Variants in PDE11A observed in about 807,000 individuals in gnomAD.
The protein encoded by PDE11A is phosphodiesterase 11A.
PDE11A carries 100 observed loss-of-function variants against 100.5 expected under a neutral mutation model. The ratio of observed to expected loss-of-function variants is 1.00; its 90% CI spans 0.85 to 1.18. The LOEUF is 1.18. Ranked by LOEUF, PDE11A falls within the 50% of genes most tolerant of loss-of-function variation. The pLI is 0.00. For synonymous variants in PDE11A, 381 were observed against 420.8 expected (o/e 0.91, Z 1.16); for missense variants, 1,141 against 1,152.6 (o/e 0.99, Z 0.15).
At chr2:177,925,290 CT>C (rs1271380512) in intron 2 of PDE11A, among the ~76,000 whole-genome samples, 6 of 152,024 alleles carry the variant, frequency 3.9e-5, no homozygotes, top group African/African-American at 1.4e-4. Flanking sequence ...TTCTAGATCC[CT>C]GAGGAATCTC....
At chr2:178,000,382 T>C (rs1243417711) in intron 2 of PDE11A, among the ~76,000 whole-genome samples, 1 of 152,230 alleles carries the variant, frequency 6.6e-6, no homozygotes, top group East Asian at 1.9e-4. Context: ...AATTTTGCTA[T>C]ACATAGGAAA....
intron 2 of PDE11A, among the ~76,000 whole-genome samples, chr2:177,985,581 T>A (rs1268262327): frequency 6.6e-6 from 1 of 152,220 alleles, no homozygotes; most frequent in African/African-American, 2.4e-5. Flanking sequence ...TTAGAGAAAT[T>A]CATTAATTCT....
At chr2:177,787,307 G>A (rs1399256879) in intron 9 of PDE11A, among the ~76,000 whole-genome samples, 1 of 150,524 alleles carries the variant, frequency 6.6e-6, no homozygotes, top group Non-Finnish European at 1.5e-5. Context: ...AAGTGAAGGA[G>A]AAATAAAACA....
At chr2:177,749,970 T>C (rs571186532) in intron 10 of PDE11A, among the ~76,000 whole-genome samples, 3 of 152,170 alleles carry the variant, frequency 2.0e-5, no homozygotes, top group African/African-American at 7.2e-5. Flanking sequence ...AAAACTAGAG[T>C]TTGGGTTTCA....
intron 5 of PDE11A, among the ~76,000 whole-genome samples, chr2:177,851,808 G>A (rs1316491632): frequency 1.3e-5 from 2 of 151,992 alleles, no homozygotes; most frequent in Non-Finnish European, 2.9e-5. Context: ...AGGTAAACAT[G>A]CGTCATGGGG....
At chr2:177,867,188 A>G (rs1430067159) in intron 5 of PDE11A, among the ~76,000 whole-genome samples, 1 of 152,246 alleles carries the variant, frequency 6.6e-6, no homozygotes, top group Admixed American at 6.5e-5. Context: ...GGGACACACA[A>G]TAAAGTTGGC....
intron 2 of PDE11A, among the ~76,000 whole-genome samples, chr2:177,910,768 A>G (rs1277932541): frequency 6.6e-6 from 1 of 152,238 alleles, no homozygotes; most frequent in East Asian, 1.9e-4. Context: ...TATGCATAGA[A>G]TTTGAGCACT....
chr2:178,030,398 T>G (rs2086530457), intron 1 of PDE11A, among the ~76,000 whole-genome samples: 1 of 152,158 alleles, frequency 6.6e-6, no homozygotes, highest in Non-Finnish European at 1.5e-5. Flanking sequence ...TTTAAAATAT[T>G]CCCGTTAAAC....
intron 2 of PDE11A, among the ~76,000 whole-genome samples, chr2:177,996,913 AT>A (rs2086082770): frequency 6.6e-6 from 1 of 152,228 alleles, no homozygotes; most frequent in Non-Finnish European, 1.5e-5. Flanking sequence ...AATTATCAAC[AT>A]ATTTAAAAGT....
intron 19 of PDE11A, among the ~76,000 whole-genome samples, chr2:177,632,493 G>C (rs1490580473): frequency 1.3e-5 from 2 of 152,146 alleles, no homozygotes; most frequent in Non-Finnish European, 1.5e-5. Flanking sequence ...CATGAATTCT[G>C]ACATTGTTCT....
intron 19 of PDE11A, among the ~76,000 whole-genome samples, chr2:177,633,026 A>G (rs1443537974): frequency 6.6e-6 from 1 of 152,190 alleles, no homozygotes; most frequent in African/African-American, 2.4e-5. Context: ...TATTTTCCTT[A>G]TAAAGAAATA....
chr2:177,897,398 T>G (rs530645306), intron 4 of PDE11A, among the ~76,000 whole-genome samples: 2 of 152,214 alleles, frequency 1.3e-5, no homozygotes, highest in African/African-American at 2.4e-5. Flanking sequence ...TGTTTCCCTA[T>G]GGAGCAGCAG....
intron 2 of PDE11A, among the ~76,000 whole-genome samples, chr2:177,977,453 G>A (rs2085824009): frequency 7.9e-6 from 1 of 126,006 alleles, no homozygotes; most frequent in Admixed American, 7.8e-5. Flanking sequence ...ACAAACAAAT[G>A]GAAGAACATT....
At chr2:177,644,045 C>G (rs1282755403) in intron 19 of PDE11A, among the ~76,000 whole-genome samples, 1 of 152,240 alleles carries the variant, frequency 6.6e-6, no homozygotes, top group Non-Finnish European at 1.5e-5. Context: ...AGGGGTGGGG[C>G]CCTCATGGAG....
chr2:177,905,679 T>C (rs2084775338), intron 2 of PDE11A, among the ~76,000 whole-genome samples: 1 of 152,196 alleles, frequency 6.6e-6, no homozygotes, highest in Admixed American at 6.5e-5. Context: ...ATTCTAGACC[T>C]ATCTGCTACC....
chr2:177,965,469 T>C (rs1418989583), intron 2 of PDE11A, among the ~76,000 whole-genome samples: 1 of 152,228 alleles, frequency 6.6e-6, no homozygotes, highest in East Asian at 1.9e-4. Context: ...TCCTAGGTTT[T>C]CTTCTAGGGT....
At chr2:177,963,975 T>A (rs534007111) in intron 2 of PDE11A, among the ~76,000 whole-genome samples, 1 of 152,340 alleles carries the variant, frequency 6.6e-6, no homozygotes, top group South Asian at 2.1e-4. Context: ...GTCTTACCCA[T>A]CTTCTTATCT....
intron 12 of PDE11A, among the ~76,000 whole-genome samples, chr2:177,716,383 C>A (rs1204464872): frequency 5.9e-5 from 9 of 152,042 alleles, no homozygotes; most frequent in Admixed American, 5.2e-4. Flanking sequence ...TTATGGGTAC[C>A]CCTTCCTCCA....
At chr2:177,812,867 A>C (rs1054547207) in intron 9 of PDE11A, among the ~76,000 whole-genome samples, 3 of 150,726 alleles carry the variant, frequency 2.0e-5, no homozygotes, top group Admixed American at 2.0e-4. Flanking sequence ...AGCTTTAACC[A>C]CTTTCCAACC....
Sources: gnomAD v4.1 joint callset for allele counts (sites outside exome capture counted in the v4.1 genomes callset) on GRCh38, gnomAD v4.1.1 for gene constraint, MANE v1.5 for transcripts, NCBI Gene and HGNC (gene_info 2026-07-23, HGNC 2026-07-21) for gene names.